Variants in TMEM230 observed in about 807,000 individuals in gnomAD.
TMEM230 encodes UPF0414 transmembrane protein C20orf30.
A neutral mutation model predicts 15.8 loss-of-function variants in TMEM230; 10 were observed. The ratio of observed to expected loss-of-function variants is 0.63; its 90% CI spans 0.39 to 1.07. The LOEUF is 1.07. Ranked by LOEUF, TMEM230 falls within the 50% of genes least tolerant of loss-of-function variation. The pLI is 0.01. For synonymous variants in TMEM230, 67 were observed against 76.9 expected (o/e 0.87, Z 0.68); for missense variants, 165 against 193.3 (o/e 0.85, Z 0.87).
chr20:5,067,744 C>G (rs1223312161), downstream of TMEM230, among the ~76,000 whole-genome samples: 4 of 87,912 alleles, frequency 4.6e-5, no homozygotes, highest in Non-Finnish European at 9.6e-5. Flanking sequence ...CCCGGCCTCC[C>G]CACCCAGCCC....
downstream of TMEM230, among the ~76,000 whole-genome samples, chr20:5,098,041 GATC>G (rs2089717898): frequency 6.4e-5 from 9 of 140,228 alleles, no homozygotes; most frequent in South Asian, 2.0e-3. Flanking sequence ...GCAGTGGTGC[GATC>G]TTGGCTCACC....
intron 3 of TMEM230, among the ~76,000 whole-genome samples, chr20:5,072,830 CAG>C (rs1235966664): frequency 1.7e-5 from 2 of 115,718 alleles, no homozygotes; most frequent in East Asian, 2.5e-4. Context: ...GCCTGGAAGA[CAG>C]AGCGAGACTC....
At chr20:5,060,473 A>C in the TMEM230 span, among the ~76,000 whole-genome samples, 1 of 150,854 alleles carries the variant, frequency 6.6e-6, no homozygotes, top group South Asian at 2.1e-4. Context: ...AGTAGCTGGG[A>C]TTACGGGAAT....
At chr20:5,084,853 A>G (rs1456647720) in intron 3 of TMEM230, among the ~76,000 whole-genome samples, 1 of 152,180 alleles carries the variant, frequency 6.6e-6, no homozygotes, top group African/African-American at 2.4e-5. Flanking sequence ...TCCACGTTGT[A>G]TATGTACCAC....
chr20:5,110,781 T>C (rs568984303), intron 2 of TMEM230, among the ~76,000 whole-genome samples: 42 of 152,170 alleles, frequency 2.8e-4, no homozygotes, highest in Admixed American at 9.8e-4. Context: ...TGGCTTCTTG[T>C]TCAAAATATT....
intron 3 of TMEM230, among the ~76,000 whole-genome samples, chr20:5,071,322 C>T (rs1221828872): frequency 6.6e-6 from 1 of 152,010 alleles, no homozygotes; most frequent in Admixed American, 6.6e-5. Context: ...CATGAATATG[C>T]ATGTAAGGGT....
intron 1 of TMEM230, chr20:5,112,635 C>G: frequency 7.9e-7 from 1 of 1,267,544 alleles, no homozygotes; most frequent in Non-Finnish European, 1.0e-6. Context: ...TCACCGCTAC[C>G]CCCAAACTCC....
At chr20:5,108,497 G>A (rs548679041) in intron 3 of TMEM230, among the ~76,000 whole-genome samples, 2 of 151,084 alleles carry the variant, frequency 1.3e-5, no homozygotes, top group South Asian at 4.2e-4. Context: ...CACATAGCAA[G>A]TAAACCTGCC....
intron 3 of TMEM230, among the ~76,000 whole-genome samples, chr20:5,080,720 C>T (rs2089154095): frequency 6.6e-6 from 1 of 152,146 alleles, no homozygotes; most frequent in South Asian, 2.1e-4. Flanking sequence ...GCATGCGCCA[C>T]CACGCCAGGC....
rs1600376832 is a variant in TMEM230, at chr20:5,100,758, C to T, written c.*33G>A. On this transcript the variant is annotated 3_prime_UTR_variant, in exon 5 of 5. Coordinates refer to ENST00000342308, the MANE Select transcript of TMEM230 (RefSeq NM_001009923.2). ...AGATATCTTAAAGCTGGGACAGTTC[C>T]ACTGTGACTCCTCCTCAGCTATGGG... The T allele has an allele frequency of 6.2e-7, 1 of 1,610,894 alleles. No individual in the cohort carries two copies. Among genetic ancestry groups the T allele is most frequent in the Non-Finnish European group, 8.5e-7 (1 of 1,178,928 alleles).
chr20:5,106,557 C>G (rs2090102804), intron 3 of TMEM230, among the ~76,000 whole-genome samples: 1 of 152,152 alleles, frequency 6.6e-6, no homozygotes, highest in Admixed American at 6.5e-5. Flanking sequence ...GTGCCCGCCA[C>G]TACACCCAGC....
chr20:5,113,029 G>A lies in TMEM230; in HGVS notation c.-1C>T, dbSNP rs1490588429. The A allele has an allele frequency of 8.4e-6, 13 of 1,547,212 alleles. No individual in the cohort carries two copies. Among genetic ancestry groups the A allele is most frequent in the African/African-American group, 6.8e-5 (5 of 73,146 alleles). On this transcript the variant is annotated 5_prime_UTR_variant, in exon 1 of 5. Coordinates refer to ENST00000342308, the MANE Select transcript of TMEM230 (RefSeq NM_001009923.2). ...CGGTTGGCAGCGCCCAAGGTTGCAT[G>A]GCATGGCCCGCTTAAGTGCCACTCA...
chr20:5,090,764 G>T (rs1196508544), intron 3 of TMEM230, among the ~76,000 whole-genome samples: 1 of 152,064 alleles, frequency 6.6e-6, no homozygotes, highest in Non-Finnish European at 1.5e-5. Context: ...TGGACAAATG[G>T]AGGGACTGAA....
chr20:5,069,136 A>G, exon 4 of TMEM230: 2 of 1,409,968 alleles, frequency 1.4e-6, no homozygotes, highest in Non-Finnish European at 1.9e-6. Context: ...TTCCTAGGAC[A>G]TTTTCAGTTT....
chr20:5,062,392 C>A, the TMEM230 span, among the ~76,000 whole-genome samples: 3 of 142,586 alleles, frequency 2.1e-5, no homozygotes, highest in Admixed American at 2.1e-4. Context: ...AAAAAAAAGT[C>A]AATTTATGCA....
intron 3 of TMEM230, among the ~76,000 whole-genome samples, chr20:5,073,672 G>A (rs1394697434): frequency 6.6e-6 from 1 of 152,216 alleles, no homozygotes; most frequent in East Asian, 1.9e-4. Context: ...GGGGGAGACT[G>A]AACAACGGCT....
Position 5,113,069 on chromosome 20 carries a change from G to A in TMEM230, c.-41C>T, listed in dbSNP as rs1477439042. ...AGTGCCACTCAGCCGGCCCCAGGCG[G>A]GATCAGTGCGCCGGAAGTGGCGTGC... On this transcript the variant is annotated 5_prime_UTR_variant, in exon 1 of 5. Coordinates refer to ENST00000342308, the MANE Select transcript of TMEM230 (RefSeq NM_001009923.2). The A allele has an allele frequency of 6.5e-7, 1 of 1,538,564 alleles. No individual in the cohort carries two copies. Among genetic ancestry groups the A allele is most frequent in the African/African-American group, 1.4e-5 (1 of 73,066 alleles).
Position 5,100,453 on chromosome 20 carries a change from G to T in TMEM230, c.*338C>A, listed in dbSNP as rs2089809350. The T allele has an allele frequency of 1.5e-5, 15 of 1,026,976 alleles. No individual in the cohort carries two copies. The highest frequency in any genetic ancestry group is 1.5e-5 in the Non-Finnish European group (13 of 855,124). The allele number at this position is 1,026,976 out of a possible 1,614,324, so 63.6% of individuals were successfully genotyped here. ...TACCACATTGTTCCATTTGCTACAA[G>T]AACAAATTGGCAATGAAGACTATTT... On this transcript the variant is annotated 3_prime_UTR_variant, in exon 5 of 5. Coordinates refer to ENST00000342308, the MANE Select transcript of TMEM230 (RefSeq NM_001009923.2).
At chr20:5,072,041 G>A (rs996924528) in intron 3 of TMEM230, among the ~76,000 whole-genome samples, 2 of 151,770 alleles carry the variant, frequency 1.3e-5, no homozygotes, top group Admixed American at 6.6e-5. Flanking sequence ...GTGAGCCACT[G>A]CGCCCAGCCT....
Sources: gnomAD v4.1 joint callset for allele counts (sites outside exome capture counted in the v4.1 genomes callset) on GRCh38, gnomAD v4.1.1 for gene constraint, MANE v1.5 for transcripts, NCBI Gene and HGNC (gene_info 2026-07-23, HGNC 2026-07-21) for gene names.